ARHGEF37: variants seen among roughly 807,000 people sequenced by gnomAD.
The protein encoded by ARHGEF37 is Rho guanine nucleotide exchange factor (GEF) 37.
Under a neutral mutation model 71.1 loss-of-function variants are expected in ARHGEF37, and 55 were observed. That is an observed-to-expected ratio of 0.77 (90% confidence interval 0.62 to 0.97). The LOEUF (loss-of-function observed/expected upper bound fraction) is 0.97, where lower values mean the gene tolerates loss of function less well. ARHGEF37 is among the 50% of genes least tolerant of loss of function. The probability of loss-of-function intolerance (pLI) is 0.00; values close to 1 mark genes in which losing one functional copy is unlikely to be tolerated. For synonymous variants in ARHGEF37, 327 were observed against 350.6 expected (o/e 0.93, Z 0.75); for missense variants, 765 against 836.8 (o/e 0.91, Z 1.06).
chr5:149,579,689 C>A (rs986583641), upstream of ARHGEF37, among the ~76,000 whole-genome samples: 1 of 151,930 alleles, frequency 6.6e-6, no homozygotes, highest in African/African-American at 2.4e-5. Context: ...TCAAGCAATT[C>A]TTCTGTCTCA....
Position 149,597,913 on chromosome 5 carries a change from GC to G in ARHGEF37, c.145del (p.Leu49SerfsTer33). On this transcript the variant is annotated frameshift_variant, in exon 2 of 13. Coordinates refer to ENST00000333677, the MANE Select transcript of ARHGEF37 (RefSeq NM_001001669.3). LOFTEE classifies it high-confidence loss of function. ...ACACTGAGGTCTCCTACTTGCACAT[GC>G]TCCAGCTCTGTGCCTCTGACATCAG... ...IDTEVSYLHM[L>X]QLCASDIRSR... The G allele has an allele frequency of 6.2e-7, 1 of 1,605,272 alleles. No individual in the cohort carries two copies. Among genetic ancestry groups the G allele is most frequent in the Non-Finnish European group, 8.5e-7 (1 of 1,176,270 alleles).
At chr5:149,563,374 GAT>G (rs1310828578) in intron 1 of ARHGEF37, among the ~76,000 whole-genome samples, 1 of 152,186 alleles carries the variant, frequency 6.6e-6, no homozygotes, top group East Asian at 1.9e-4. Context: ...CCAGGCAAAT[GAT>G]AGACTTAAGA....
chr5:149,617,566 G>T (rs1752414325), intron 5 of ARHGEF37, among the ~76,000 whole-genome samples: 1 of 152,190 alleles, frequency 6.6e-6, no homozygotes, highest in Admixed American at 6.5e-5. Flanking sequence ...ACCCTCTGAG[G>T]TTGGCCCTGT....
intron 1 of ARHGEF37, among the ~76,000 whole-genome samples, chr5:149,593,385 C>T (rs990837868): frequency 6.6e-6 from 1 of 152,208 alleles, no homozygotes; most frequent in Admixed American, 6.6e-5. Context: ...TATAGATTAG[C>T]TTATTCTGGT....
At chr5:149,615,331 T>A (rs1752345485) in intron 4 of ARHGEF37, among the ~76,000 whole-genome samples, 1 of 149,646 alleles carries the variant, frequency 6.7e-6, no homozygotes, top group African/African-American at 2.5e-5. Flanking sequence ...GAAGCAGAGG[T>A]CATGCTATGT....
At chr5:149,625,675 G>A (rs79393945) in intron 10 of ARHGEF37, among the ~76,000 whole-genome samples, 2,448 of 152,294 alleles carry the variant, frequency 0.016, 74 homozygotes, top group African/African-American at 0.056. Context: ...CGTGGGCCCC[G>A]AGACTCGGGG....
intron 1 of ARHGEF37, among the ~76,000 whole-genome samples, chr5:149,588,105 G>T (rs1763291250): frequency 1.3e-5 from 2 of 152,052 alleles, no homozygotes; most frequent in African/African-American, 4.8e-5. Flanking sequence ...CACCATGTTG[G>T]TCAGGCTGGT....
chr5:149,589,194 T>TA (rs55696751), intron 1 of ARHGEF37, among the ~76,000 whole-genome samples: 37 of 146,782 alleles, frequency 2.5e-4, no homozygotes, highest in South Asian at 6.5e-4. Flanking sequence ...TCCTGTCTCT[T>TA]AAAAAAAAAA....
At chr5:149,601,310 C>T in intron 3 of ARHGEF37, 79 bp downstream of exon 3, 2 of 1,493,486 alleles carry the variant, frequency 1.3e-6, no homozygotes, top group Non-Finnish European at 1.8e-6. Flanking sequence ...GCTTAACTGT[C>T]TCCAGAGTTC....
At chr5:149,604,496 C>G (rs1217114813) in intron 3 of ARHGEF37, among the ~76,000 whole-genome samples, 1 of 152,016 alleles carries the variant, frequency 6.6e-6, no homozygotes, top group Non-Finnish European at 1.5e-5. Context: ...CTCCTCATCC[C>G]TTGTCTCTTG....
At chr5:149,578,773 A>G (rs904594257), upstream of ARHGEF37, among the ~76,000 whole-genome samples, 1 of 152,196 alleles carries the variant, frequency 6.6e-6, no homozygotes, top group African/African-American at 2.4e-5. Context: ...TGTTCTAGAA[A>G]TCAAATGGAT....
Position 149,597,966 on chromosome 5 carries a change from G to T in ARHGEF37, c.186+11G>T. 6.4e-7 allele frequency: 1 copy of T among 1,569,992 alleles called. No homozygotes were observed. The highest frequency in any genetic ancestry group is 2.4e-5 in the East Asian group (1 of 42,194). On this transcript the variant is annotated intron_variant, in intron 2 of 12. Transcript: ENST00000333677. ...AGCCGCCTCCAGCAGGTACTTGGGT[G>T]GGGTCACACACAACCTGTCTTTATA...
At chr5:149,587,456 C>T (rs1393833842) in intron 1 of ARHGEF37, among the ~76,000 whole-genome samples, 1 of 152,166 alleles carries the variant, frequency 6.6e-6, no homozygotes. Context: ...CTTGGATTAT[C>T]TTAGGAAATC....
intron 6 of ARHGEF37, among the ~76,000 whole-genome samples, chr5:149,618,523 A>G (rs963012457): frequency 6.6e-6 from 1 of 152,196 alleles, no homozygotes; most frequent in Non-Finnish European, 1.5e-5. Context: ...TTTGGGGCCT[A>G]TTTACACAGA....
rs1319153178 is a variant in ARHGEF37, at chr5:149,632,084, C to A, written c.1921C>A (p.Pro641Thr). The A allele has an allele frequency of 1.9e-6, 3 of 1,614,116 alleles. No homozygotes were observed. The African/African-American group carries it at 4.0e-5, about 22-fold the overall frequency. ...GGAGGCCCAGGACAAGAAGGGGAAC[C>A]CTGAGTGGAGCCTGGTGGAAGTGAA... Reference protein sequence around the residue: ...ILEAQDKKGNPEWSLVEVNGQ... With the variant: ...ILEAQDKKGNTEWSLVEVNGQ... Residue 641 changes from proline (P) to threonine (T), a missense_variant, in exon 13 of 13, where the codon CCT (proline) becomes ACT (threonine). This residue lies in a region of ARHGEF37 where 390 missense variants were observed against 407.4 expected (regional missense o/e 0.96). Transcript: ENST00000333677.
At chr5:149,599,402 G>A (rs1763685252) in intron 2 of ARHGEF37, among the ~76,000 whole-genome samples, 2 of 119,158 alleles carry the variant, frequency 1.7e-5, no homozygotes, top group Middle Eastern at 9.4e-3. Context: ...GCCAGGGCAA[G>A]GCTCGGCTCA....
intron 10 of ARHGEF37, among the ~76,000 whole-genome samples, chr5:149,624,480 A>G (rs4291000): frequency 0.026 from 4,007 of 152,354 alleles, 179 homozygotes; most frequent in African/African-American, 0.09. Context: ...ATTGTCATCA[A>G]AAGGTATCCT....
intron 3 of ARHGEF37, among the ~76,000 whole-genome samples, chr5:149,602,299 C>A (rs1432563270): frequency 2.6e-5 from 4 of 152,164 alleles, no homozygotes; most frequent in Non-Finnish European, 4.4e-5. Context: ...TCTTGATCCA[C>A]CTGCCTTGGC....
intron 1 of ARHGEF37, among the ~76,000 whole-genome samples, chr5:149,585,461 A>G (rs773267900): frequency 5.5e-4 from 84 of 152,326 alleles, no homozygotes; most frequent in Non-Finnish European, 5.0e-4. Flanking sequence ...TGGATCTCAA[A>G]ATAATTTTTC....
Sources: allele counts gnomAD v4.1 joint callset (sites outside exome capture counted in the v4.1 genomes callset), GRCh38; gene constraint gnomAD v4.1.1; regional missense constraint gnomAD v4.1.1; transcripts MANE v1.5; gene names NCBI Gene and HGNC (gene_info 2026-07-23, HGNC 2026-07-21).